The following SRGAP1 variants were observed in gnomAD, a reference collection of about 807,000 sequenced individuals.
The protein encoded by SRGAP1 is SLIT-ROBO Rho GTPase-activating protein 1.
A neutral mutation model predicts 121.9 loss-of-function variants in SRGAP1; 43 were observed. The observed-to-expected ratio is 0.35, with a 90% confidence interval of 0.28 to 0.46. The LOEUF (loss-of-function observed/expected upper bound fraction) is 0.46, where lower values mean the gene tolerates loss of function less well. Among genes scored for constraint, SRGAP1 ranks in the 20% least tolerant of loss-of-function variants. The pLI is 1.00. For missense variants in SRGAP1, 1,102 were observed against 1,350.9 expected (o/e 0.82, Z 2.89); for synonymous variants, 447 against 485.4 (o/e 0.92, Z 1.04).
chr12:64,111,653 CTTAAAG>C, intron 16 of SRGAP1, 103 bp from the exon 17 acceptor site: 1 of 975,630 alleles, frequency 1.0e-6, no homozygotes, highest in East Asian at 2.7e-5. Context: ...GCTGAGCCAA[CTTAAAG>C]TTGAAGTATC....
In SRGAP1 at chr12:64,097,424, C is replaced by T; in HGVS notation, c.1813+49C>T. ...TTTCCCACAAGAATTATTTCACTAG[C>T]TAACTTCCTGGAAAAGGCAGTGGCC... On this transcript the variant is annotated intron_variant, in intron 15 of 21. Coordinates refer to ENST00000355086, the MANE Select transcript of SRGAP1 (RefSeq NM_020762.4). 6 of 1,597,122 alleles carry T rather than the reference C, an allele frequency of 3.8e-6. No individual in the cohort carries two copies. The South Asian group carries it at 6.8e-5, about 18-fold the overall frequency.
At chr12:64,141,582 G>T (rs528298082) in intron 21 of SRGAP1, among the ~76,000 whole-genome samples, 1 of 152,014 alleles carries the variant, frequency 6.6e-6, no homozygotes, top group Non-Finnish European at 1.5e-5. Flanking sequence ...TGCATCTTGG[G>T]GGGGGAAAAA....
intron 1 of SRGAP1, among the ~76,000 whole-genome samples, chr12:63,929,069 G>T (rs2031366527): frequency 6.6e-6 from 1 of 152,186 alleles, no homozygotes; most frequent in Non-Finnish European, 1.5e-5. Context: ...TGGCCTGGGG[G>T]TTGGGGACCC....
chr12:63,987,240 T>A (rs1353762683), intron 2 of SRGAP1, among the ~76,000 whole-genome samples: 1 of 152,212 alleles, frequency 6.6e-6, no homozygotes, highest in East Asian at 1.9e-4. Flanking sequence ...TATTCTGGAG[T>A]CTGGTTCTTA....
rs150620436 is a variant in SRGAP1 at position 63,903,639 on chromosome 12, G to A, written c.67+58756G>A. Among the ~76,000 whole-genome samples the A allele has an allele frequency of 2.0e-3, 297 of 148,194 alleles. 1 individual carries two copies. Among genetic ancestry groups the A allele is most frequent in the African/African-American group, 7.2e-3 (281 of 39,042 alleles). ...GGCAATGGCGCAGTCTTTGTTCACC[G>A]CAACGTCTGCCTTGAGACAGAGTCT... On this transcript the variant is annotated intron_variant, in intron 1 of 21. Coordinates refer to ENST00000355086, the MANE Select transcript of SRGAP1 (RefSeq NM_020762.4).
In SRGAP1 at chr12:64,151,351, A is replaced by G. The variant is rs888717374; in HGVS notation, c.*8679A>G. Reference sequence around the variant, plus strand: ...TTTTTTAATGGCTGTATAATATTCTAGCGTATGAACACATCATTATTTAAC... The same window carrying G: ...TTTTTTAATGGCTGTATAATATTCTGGCGTATGAACACATCATTATTTAAC... On this transcript the variant is annotated 3_prime_UTR_variant, in exon 22 of 22. Coordinates refer to ENST00000355086, the MANE Select transcript of SRGAP1 (RefSeq NM_020762.4). The G allele has an allele frequency of 6.6e-6, 1 of 152,118 alleles. No individual in the cohort carries two copies. Among genetic ancestry groups the G allele is most frequent in the African/African-American group, 2.4e-5 (1 of 41,420 alleles). 9.4% of individuals were successfully genotyped at this position (152,118 alleles called of 1,614,324 possible).
intron 1 of SRGAP1, among the ~76,000 whole-genome samples, chr12:63,898,098 GA>G (rs2136303279): frequency 1.3e-5 from 2 of 152,306 alleles, no homozygotes; most frequent in Non-Finnish European, 2.9e-5. Flanking sequence ...TACTGGGGGA[GA>G]AAAGGAAGAA....
chr12:63,895,491 T>A (rs1488959149), intron 1 of SRGAP1, among the ~76,000 whole-genome samples: 1 of 152,222 alleles, frequency 6.6e-6, no homozygotes, highest in Non-Finnish European at 1.5e-5. Flanking sequence ...ATATATAACA[T>A]TGCCATCATC....
At chr12:64,110,010 A>G (rs572272958) in intron 16 of SRGAP1, among the ~76,000 whole-genome samples, 3 of 152,298 alleles carry the variant, frequency 2.0e-5, no homozygotes, top group African/African-American at 7.2e-5. Context: ...ACATTCACAA[A>G]CGACAGTAGC....
Position 64,069,900 on chromosome 12 carries a change from C to T in SRGAP1, c.1125+4681C>T, listed in dbSNP as rs933501394. Among the ~76,000 whole-genome samples, 13 of 151,928 alleles carry T rather than the reference C, an allele frequency of 8.6e-5. 1 individual carries two copies. The highest frequency in any genetic ancestry group is 4.4e-5 in the Non-Finnish European group (3 of 67,998). On this transcript the variant is annotated intron_variant, in intron 8 of 21. Coordinates refer to ENST00000355086, the MANE Select transcript of SRGAP1 (RefSeq NM_020762.4). ...TGTTCAAAAAACAAAATAATATGCC[C>T]AGCTACTTTTTTATTATTTGTAGAG...
At chr12:63,856,913 G>A (rs2136261139) in intron 1 of SRGAP1, among the ~76,000 whole-genome samples, 1 of 152,262 alleles carries the variant, frequency 6.6e-6, no homozygotes, top group African/African-American at 2.4e-5. Context: ...TCCTACCTGT[G>A]AATATGAGTA....
In SRGAP1 at chr12:64,045,403, G is replaced by A. The variant is rs370913179; in HGVS notation, c.801+1828G>A. Among the ~76,000 whole-genome samples the A allele has an allele frequency of 2.6e-4, 40 of 151,420 alleles. No individual in the cohort carries two copies. The South Asian group carries it at 4.6e-3, about 17-fold the overall frequency. On this transcript the variant is annotated intron_variant, in intron 6 of 21. Coordinates refer to ENST00000355086, the MANE Select transcript of SRGAP1 (RefSeq NM_020762.4). ...GCTTTTTTGATTGGGGTTCATTTTC[G>A]TAGTGATTGGAGTACTTGGCTAAAT...
rs771869190 is a variant in SRGAP1 at position 64,042,905 on chromosome 12, A to G, written c.605A>G (p.His202Arg). 4.3e-6 allele frequency: 7 copies of G among 1,613,862 alleles called. No homozygotes were observed. The South Asian group carries it at 4.4e-5, about 10-fold the overall frequency. The stretch of plus-strand genomic sequence containing the variant: ...GGGAGATCTGGTGATCCAGTCTTCC[A>G]TATTCGACTAGAGGAGAGACATCAA... Reference protein sequence around the residue: ...QIGRSGDPVFHIRLEERHQRR... With the variant: ...QIGRSGDPVFRIRLEERHQRR... The change falls in exon 5 of 22, where the codon CAT becomes CGT. Residue 202 changes from histidine to arginine, a missense_variant. Coordinates refer to ENST00000355086, the MANE Select transcript of SRGAP1 (RefSeq NM_020762.4).
chr12:64,135,329 C>T (rs1374395283), intron 21 of SRGAP1, among the ~76,000 whole-genome samples: 1 of 152,114 alleles, frequency 6.6e-6, no homozygotes, highest in Non-Finnish European at 1.5e-5. Context: ...CATAAGAACT[C>T]GTGTCTGGTT....
intron 1 of SRGAP1, among the ~76,000 whole-genome samples, chr12:63,917,620 T>C (rs2030845140): frequency 3.6e-5 from 1 of 27,542 alleles, no homozygotes; most frequent in Non-Finnish European, 1.0e-4. Context: ...AAGAGCTTGC[T>C]TTCTGTTTTG....
chr12:63,880,474 G>A (rs563167452), intron 1 of SRGAP1, among the ~76,000 whole-genome samples: 59 of 152,136 alleles, frequency 3.9e-4, no homozygotes, highest in African/African-American at 1.4e-3. Flanking sequence ...CAAGTGATCC[G>A]CCCCTCCCAT....
At chr12:63,897,830 T>G (rs1900803883) in intron 1 of SRGAP1, among the ~76,000 whole-genome samples, 1 of 152,128 alleles carries the variant, frequency 6.6e-6, no homozygotes, top group Admixed American at 6.6e-5. Context: ...AGCCTTTGGA[T>G]TTGGGGGAGG....
intron 6 of SRGAP1, among the ~76,000 whole-genome samples, chr12:64,048,024 C>T (rs952988851): frequency 1.3e-5 from 2 of 152,060 alleles, no homozygotes; most frequent in African/African-American, 2.4e-5. Context: ...AAGTGTACAA[C>T]AAATTACTGT....
chr12:63,940,710 A>G (rs951405232), intron 1 of SRGAP1, among the ~76,000 whole-genome samples: 1 of 152,194 alleles, frequency 6.6e-6, no homozygotes, highest in African/African-American at 2.4e-5. Flanking sequence ...CAGCTTAAAA[A>G]CAGTATTTAG....
Sources: allele counts gnomAD v4.1 joint callset (sites outside exome capture counted in the v4.1 genomes callset), GRCh38; gene constraint gnomAD v4.1.1; transcripts MANE v1.5; gene names NCBI Gene and HGNC (gene_info 2026-07-23, HGNC 2026-07-21).